GSN: variants seen among roughly 807,000 people sequenced by gnomAD.
GSN encodes actin-depolymerizing factor.
A neutral mutation model predicts 85.7 loss-of-function variants in GSN; 56 were observed. The ratio of observed to expected loss-of-function variants is 0.65; its 90% CI spans 0.53 to 0.82. The LOEUF is 0.82. GSN is among the 40% of genes least tolerant of loss of function. GSN has a pLI of 0.00. For missense variants in GSN, 857 were observed against 979.8 expected (o/e 0.87, Z 1.67); for synonymous variants, 373 against 399.1 (o/e 0.93, Z 0.78).
chr9:121,326,385 G>A, intron 12 of GSN, 127 bp from the exon 13 acceptor site: 1 of 796,242 alleles, frequency 1.3e-6, no homozygotes, highest in Non-Finnish European at 2.1e-6. Flanking sequence ...GTGTTGTCGG[G>A]TCACATTCCA....
chr9:121,218,566 C>T (rs1379378728), intron 4 of GSN, among the ~76,000 whole-genome samples: 3 of 152,012 alleles, frequency 2.0e-5, no homozygotes, highest in Non-Finnish European at 2.9e-5. Context: ...ACTCGGGAGG[C>T]GGAGGTTGCA....
At chr9:121,241,265 A>T (rs963371716) in intron 5 of GSN, among the ~76,000 whole-genome samples, 34 of 152,256 alleles carry the variant, frequency 2.2e-4, no homozygotes, top group African/African-American at 8.2e-4. Context: ...GATAATAAAG[A>T]TGTAATTTCT....
At chr9:121,272,652 C>T (rs773025871) in intron 1 of GSN, among the ~76,000 whole-genome samples, 6 of 152,228 alleles carry the variant, frequency 3.9e-5, no homozygotes, top group Non-Finnish European at 5.9e-5. Context: ...ATCCCATTCC[C>T]TGCTCTACAA....
At chr9:121,286,058 G>A in intron 2 of GSN, 1 of 1,486,642 alleles carries the variant, frequency 6.7e-7, no homozygotes, top group South Asian at 1.2e-5. Context: ...GCTATTTCCA[G>A]ACTAATCCTG....
At chr9:121,310,593 A>T in intron 4 of GSN, 91 bp from the exon 5 acceptor site, 1 of 1,289,298 alleles carries the variant, frequency 7.8e-7, no homozygotes, top group Admixed American at 1.9e-5. Flanking sequence ...CACAAGCCAG[A>T]ATTTCCTTTA....
intron 5 of GSN, chr9:121,311,261 G>T: frequency 3.6e-6 from 1 of 277,132 alleles, no homozygotes; most frequent in Admixed American, 4.9e-5. Context: ...AGTTGCACAT[G>T]CCCATGATCT....
chr9:121,218,895 G>A (rs1057169254), intron 4 of GSN, among the ~76,000 whole-genome samples: 1 of 152,258 alleles, frequency 6.6e-6, no homozygotes, highest in Admixed American at 6.5e-5. Flanking sequence ...CTCCATTTTG[G>A]TACTGGCAAC....
At chr9:121,247,642 G>T (rs903115431) in intron 5 of GSN, among the ~76,000 whole-genome samples, 1 of 152,216 alleles carries the variant, frequency 6.6e-6, no homozygotes, top group African/African-American at 2.4e-5. Flanking sequence ...GGCAATAGCT[G>T]TGGGTATTCT....
intron 4 of GSN, among the ~76,000 whole-genome samples, chr9:121,303,684 C>T (rs2060131338): frequency 6.6e-6 from 1 of 152,206 alleles, no homozygotes; most frequent in African/African-American, 2.4e-5. Flanking sequence ...CCTTTCCTCT[C>T]TGGTTACCTG....
At chr9:121,260,180 C>G (rs1426229301) in intron 6 of GSN, among the ~76,000 whole-genome samples, 1 of 152,190 alleles carries the variant, frequency 6.6e-6, no homozygotes, top group Non-Finnish European at 1.5e-5. Context: ...AAGGTCAAAG[C>G]AGCAAGACTG....
rs2059653602 is a variant in GSN at position 121,300,032 on chromosome 9, C to T, written c.-9-1931C>T. 3 of 1,530,934 alleles carry T rather than the reference C, an allele frequency of 2.0e-6. No homozygotes were observed. In the East Asian group the frequency reaches 7.8e-5, roughly 40 times the overall value. 94.8% of individuals were successfully genotyped at this position (1,530,934 alleles called of 1,614,324 possible). A position where few individuals can be genotyped will look rare whatever the true frequency, so the allele number is the denominator to read the frequency against. ...TGAGTGCCCGGGGGGCCCCGGGGCTCCCGGAGTAACTCTCTATTGTAAGTT... is the reference window on the plus strand; with the variant it reads ...TGAGTGCCCGGGGGGCCCCGGGGCTTCCGGAGTAACTCTCTATTGTAAGTT... On this transcript the variant is annotated intron_variant, in intron 2 of 17. Transcript: ENST00000432226.
chr9:121,331,888 T>G, intron 17 of GSN: 1 of 192,088 alleles, frequency 5.2e-6, no homozygotes, highest in South Asian at 1.0e-4. Context: ...ACCTCATCTC[T>G]AGAAAAAATA....
intron 7 of GSN, 47 bp from the exon 8 acceptor site, chr9:121,317,039 C>A: frequency 6.2e-7 from 1 of 1,612,590 alleles, no homozygotes. Flanking sequence ...CAGGGCTGGG[C>A]GGCCACAGAC....
intron 6 of GSN, among the ~76,000 whole-genome samples, chr9:121,254,389 TC>T (rs2054904627): frequency 6.6e-6 from 1 of 152,202 alleles, no homozygotes; most frequent in South Asian, 2.1e-4. Flanking sequence ...GTCCTGGGTT[TC>T]ATTCTTATTT....
At chr9:121,327,100 A>C (rs1373453266) in intron 13 of GSN, 1 of 712,002 alleles carries the variant, frequency 1.4e-6, no homozygotes, top group Non-Finnish European at 2.6e-6. Flanking sequence ...GATTTTTAGA[A>C]TCATGTTGGC....
intron 2 of GSN, among the ~76,000 whole-genome samples, chr9:121,287,459 T>C (rs144950342): frequency 3.4e-3 from 523 of 152,050 alleles, no homozygotes; most frequent in Middle Eastern, 0.01. Context: ...ACCTACAGAC[T>C]CAGAGGCTAG....
intron 11 of GSN, among the ~76,000 whole-genome samples, chr9:121,322,315 T>C (rs1249897384): frequency 6.6e-6 from 1 of 152,234 alleles, no homozygotes; most frequent in Non-Finnish European, 1.5e-5. Flanking sequence ...GCACCTTGCT[T>C]TTCTGACTCC....
chr9:121,322,792 C>T (rs571206852), intron 11 of GSN, among the ~76,000 whole-genome samples: 3 of 150,398 alleles, frequency 2.0e-5, no homozygotes, highest in Non-Finnish European at 4.4e-5. Context: ...ATTTCTCTTA[C>T]TATACAGTCT....
chr9:121,223,432 A>G (rs895103334), intron 4 of GSN, among the ~76,000 whole-genome samples: 4 of 152,112 alleles, frequency 2.6e-5, no homozygotes, highest in Non-Finnish European at 5.9e-5. Context: ...CCCCTATAGA[A>G]TCAGGTAACC....
Sources: allele counts gnomAD v4.1 joint callset (sites outside exome capture counted in the v4.1 genomes callset), GRCh38; gene constraint gnomAD v4.1.1; transcripts MANE v1.5; gene names NCBI Gene and HGNC (gene_info 2026-07-23, HGNC 2026-07-21).